CCSER1: variants seen among roughly 807,000 people sequenced by gnomAD.
CCSER1 encodes the protein serine-rich coiled-coil domain-containing protein 1.
Under a neutral mutation model 82.0 loss-of-function variants are expected in CCSER1, and 41 were observed. That is an observed-to-expected ratio of 0.50 (90% CI 0.39 to 0.65). CCSER1 has a LOEUF of 0.65. CCSER1 is among the 30% of genes least tolerant of loss of function. The pLI, the probability that CCSER1 is intolerant of heterozygous loss-of-function variation, is 0.00. For missense variants in CCSER1, 1,119 were observed against 1,064.2 expected, an observed-to-expected ratio of 1.05 and a Z score of -0.72; for synonymous variants, 414 against 383.9, an observed-to-expected ratio of 1.08 and a Z score of -0.92.
At chr4:91,168,894 C>A (rs1180316503) in intron 10 of CCSER1, among the ~76,000 whole-genome samples, 1 of 152,050 alleles carries the variant, frequency 6.6e-6, no homozygotes, top group Non-Finnish European at 1.5e-5. Context: ...TAATCTATAA[C>A]CTTACCCCCA....
chr4:91,477,933 C>T (rs1757682685), intron 10 of CCSER1, among the ~76,000 whole-genome samples: 2 of 151,702 alleles, frequency 1.3e-5, no homozygotes, highest in Non-Finnish European at 3.0e-5. Flanking sequence ...AAATCAAAAG[C>T]CCAGATAGTA....
At chr4:91,030,970 C>G (rs953753849) in intron 9 of CCSER1, among the ~76,000 whole-genome samples, 1 of 152,130 alleles carries the variant, frequency 6.6e-6, no homozygotes, top group African/African-American at 2.4e-5. Context: ...CTTCTGTCTT[C>G]AGAAAGTTCA....
intron 3 of CCSER1, among the ~76,000 whole-genome samples, chr4:90,336,410 C>T (rs1157466047): frequency 6.6e-6 from 1 of 152,144 alleles, no homozygotes; most frequent in African/African-American, 2.4e-5. Context: ...AATAAAAACA[C>T]TTAGGACCAA....
chr4:90,798,606 C>T (rs115478551), intron 7 of CCSER1, among the ~76,000 whole-genome samples: 96 of 152,262 alleles, frequency 6.3e-4, no homozygotes, highest in African/African-American at 2.2e-3. Context: ...TCTTTGTGGG[C>T]TTATCTACCT....
intron 5 of CCSER1, among the ~76,000 whole-genome samples, chr4:90,469,329 G>A (rs1262234385): frequency 6.6e-6 from 1 of 151,988 alleles, no homozygotes; most frequent in Non-Finnish European, 1.5e-5. Context: ...TCTTATTATA[G>A]AGGGAAGAAA....
chr4:91,460,024 A>G (rs1756417370), intron 10 of CCSER1, among the ~76,000 whole-genome samples: 1 of 152,200 alleles, frequency 6.6e-6, no homozygotes, highest in Non-Finnish European at 1.5e-5. Context: ...GGAAATATGT[A>G]GCCCTTCTTC....
At chr4:91,223,284 A>C (rs780498083) in intron 10 of CCSER1, among the ~76,000 whole-genome samples, 20 of 152,296 alleles carry the variant, frequency 1.3e-4, no homozygotes, top group Admixed American at 2.6e-4. Flanking sequence ...AATTTTGAAG[A>C]CATGTCTGAA....
At chr4:90,822,222 C>G (rs1221144530) in intron 8 of CCSER1, among the ~76,000 whole-genome samples, 1 of 152,066 alleles carries the variant, frequency 6.6e-6, no homozygotes, top group Non-Finnish European at 1.5e-5. Context: ...ACTGTTTTAA[C>G]TTGGATGACA....
chr4:90,957,636 AAT>A (rs1157681723), intron 9 of CCSER1, among the ~76,000 whole-genome samples: 7 of 119,568 alleles, frequency 5.9e-5, no homozygotes, highest in African/African-American at 1.8e-4. Flanking sequence ...TATTCTATAT[AAT>A]ATATAATATA....
chr4:90,162,667 A>G (rs1337411152), intron 1 of CCSER1, among the ~76,000 whole-genome samples: 1 of 152,126 alleles, frequency 6.6e-6, no homozygotes, highest in African/African-American at 2.4e-5. Context: ...AGAAGAGTCC[A>G]ATGAGTCATA....
chr4:90,626,452 T>G (rs367988054), intron 5 of CCSER1, among the ~76,000 whole-genome samples: 9 of 152,328 alleles, frequency 5.9e-5, no homozygotes, highest in African/African-American at 2.2e-4. Flanking sequence ...CGGAAGGCTT[T>G]AAGAATGACT....
chr4:90,537,767 A>G (rs1182741830), intron 5 of CCSER1, among the ~76,000 whole-genome samples: 1 of 152,190 alleles, frequency 6.6e-6, no homozygotes, highest in Non-Finnish European at 1.5e-5. Flanking sequence ...TTCTTTCAAT[A>G]TAGCAAATCT....
chr4:90,385,248 T>A (rs1749844616), intron 3 of CCSER1, among the ~76,000 whole-genome samples: 3 of 151,818 alleles, frequency 2.0e-5, no homozygotes, highest in Admixed American at 2.0e-4. Context: ...AGATACCCAG[T>A]AGTGGGATTG....
intron 10 of CCSER1, among the ~76,000 whole-genome samples, chr4:91,315,663 T>C (rs1745780442): frequency 1.3e-5 from 2 of 151,970 alleles, no homozygotes; most frequent in Non-Finnish European, 2.9e-5. Context: ...GCCAATCCAC[T>C]TGATCAGTAA....
intron 5 of CCSER1, among the ~76,000 whole-genome samples, chr4:90,480,138 C>A (rs958027062): frequency 5.9e-5 from 9 of 152,192 alleles, no homozygotes; most frequent in African/African-American, 1.7e-4. Context: ...TGATGATGAG[C>A]ATTTTTTCAT....
intron 1 of CCSER1, among the ~76,000 whole-genome samples, chr4:90,241,117 G>C (rs555590972): frequency 1.3e-5 from 2 of 152,218 alleles, no homozygotes; most frequent in Non-Finnish European, 2.9e-5. Flanking sequence ...CAATATTGAT[G>C]ATAGGGCACT....
intron 1 of CCSER1, among the ~76,000 whole-genome samples, chr4:90,248,499 G>C (rs1017374786): frequency 2.0e-5 from 3 of 152,064 alleles, no homozygotes; most frequent in African/African-American, 7.2e-5. Context: ...AGTATGTAGA[G>C]AGCTTCAAAA....
rs561714693 is a variant in CCSER1 at position 90,720,535 on chromosome 4, T to C, written c.1933-3379T>C. Among the ~76,000 whole-genome samples the C allele has an allele frequency of 2.0e-3, 298 of 152,172 alleles. 2 individuals are homozygous for C. The highest frequency in any genetic ancestry group is 7.1e-3 in the African/African-American group (293 of 41,556). ...AATTTTAAATTTTATATTTTGTTTG[T>C]TTGTTTTTGCATTTGCAAGATTTAA... On this transcript the variant is annotated intron_variant, in intron 6 of 10. Coordinates refer to ENST00000509176, the MANE Select transcript of CCSER1 (RefSeq NM_001145065.2).
intron 9 of CCSER1, among the ~76,000 whole-genome samples, chr4:91,068,544 A>G (rs186011215): frequency 6.6e-5 from 10 of 152,336 alleles, no homozygotes; most frequent in Non-Finnish European, 8.8e-5. Context: ...TGAGTCTTCA[A>G]TAGAGTTTCT....
Sources: allele counts gnomAD v4.1 joint callset (sites outside exome capture counted in the v4.1 genomes callset), GRCh38; gene constraint gnomAD v4.1.1; transcripts MANE v1.5; gene names NCBI Gene and HGNC (gene_info 2026-07-23, HGNC 2026-07-21).